Variants in PECR observed in about 807,000 individuals in gnomAD.
PECR encodes peroxisomal trans-2-enoyl-CoA reductase.
PECR carries 30 observed loss-of-function variants against 35.3 expected under a neutral mutation model. The observed-to-expected ratio is 0.85, with a 90% CI of 0.64 to 1.15. The LOEUF (loss-of-function observed/expected upper bound fraction) is 1.15, where lower values mean the gene tolerates loss of function less well. Among genes scored for constraint, PECR ranks in the 50% most tolerant of loss-of-function variants. PECR has a pLI of 0.00. For synonymous variants in PECR, 148 were observed against 138.9 expected (o/e 1.07, Z -0.46); for missense variants, 392 against 370.8 (o/e 1.06, Z -0.47).
chr2:216,067,716 C>T (rs539134022), intron 1 of PECR, among the ~76,000 whole-genome samples: 1 of 152,070 alleles, frequency 6.6e-6, no homozygotes, highest in African/African-American at 2.4e-5. Context: ...ACCACCAGGC[C>T]TGGCTAATTT....
chr2:216,051,451 G>C lies in PECR; in HGVS notation c.601C>G (p.Pro201Ala), dbSNP rs764979924. The C allele has an allele frequency of 6.3e-7, 1 of 1,583,196 alleles. No homozygotes were observed. The highest frequency in any genetic ancestry group is 8.7e-7 in the Non-Finnish European group (1 of 1,151,854). ...CSGIRINCVA[P>A]GVIYSQTAVE... Reference sequence around the variant, plus strand: ...TTCAATATAGATCGTTTACCTACAGGGGCAACACAATTGATCCGTATTCCA... The same window carrying C: ...TTCAATATAGATCGTTTACCTACAGCGGCAACACAATTGATCCGTATTCCA... The change falls in exon 5 of 8, where the codon CCT becomes GCT. Residue 201 changes from proline to alanine, a missense_variant and splice_region_variant. Physicochemically the swap from Pro to Ala is conservative, Grantham distance 27. Transcript: ENST00000265322.
chr2:216,047,186 A>AGGT (rs1048810918), intron 6 of PECR, among the ~76,000 whole-genome samples: 4 of 151,040 alleles, frequency 2.6e-5, no homozygotes. Context: ...TAAACCCAGG[A>AGGT]GGTAGAGGTT....
rs191369272 is a variant in PECR at position 216,039,432 on chromosome 2, T to C, written c.827-72A>G. 279 of 854,130 alleles carry C rather than the reference T, an allele frequency of 3.3e-4. No individual in the cohort carries two copies. In the African/African-American group the frequency reaches 4.3e-3, roughly 13 times the overall value. The allele number at this position is 854,130 out of a possible 1,614,324, so 52.9% of individuals were successfully genotyped here. A position where few individuals can be genotyped will look rare whatever the true frequency, so the allele number is the denominator to read the frequency against. On this transcript the variant is annotated intron_variant, in intron 7 of 7. Transcript: ENST00000265322. ...CCCTCTTCACTCCCACCAAATCCTCTTGTTAATTTCCCTGGTTCACACATT... is the reference window on the plus strand; with the variant it reads ...CCCTCTTCACTCCCACCAAATCCTCCTGTTAATTTCCCTGGTTCACACATT...
chr2:216,039,848 G>A (rs571809509), intron 7 of PECR, among the ~76,000 whole-genome samples: 2 of 152,250 alleles, frequency 1.3e-5, no homozygotes, highest in East Asian at 3.9e-4. Context: ...CAAGGCATGT[G>A]GTCTAAGCTA....
chr2:216,050,632 G>A (rs931635789), intron 5 of PECR, among the ~76,000 whole-genome samples: 4 of 152,208 alleles, frequency 2.6e-5, no homozygotes, highest in African/African-American at 9.6e-5. Flanking sequence ...GCTGGGCGCA[G>A]TGGCTCACGC....
chr2:216,048,520 G>T (rs1695040153), intron 6 of PECR, among the ~76,000 whole-genome samples: 2 of 151,884 alleles, frequency 1.3e-5, no homozygotes, highest in African/African-American at 4.8e-5. Context: ...GACTAGCCTA[G>T]CCAACATGGT....
At chr2:216,070,461 TCTA>T (rs1695567812) in intron 1 of PECR, among the ~76,000 whole-genome samples, 1 of 152,200 alleles carries the variant, frequency 6.6e-6, no homozygotes, top group Non-Finnish European at 1.5e-5. Flanking sequence ...GTGAAACTGG[TCTA>T]CTTTTATTAT....
chr2:216,081,718 C>G lies in PECR; in HGVS notation c.24G>C (p.Arg8Ser). Residue 8 changes from arginine to serine, a missense_variant, in exon 1 of 8, where the codon AGG (arginine) becomes AGC (serine). Arg to Ser is a moderately radical substitution (Grantham distance 110, BLOSUM62 -1). Transcript: ENST00000265322. MASWAKG[R>S]SYLAPGLLQG... ...GCAGCAAACCAGGCGCCAGGTAGCT[C>G]CTGCCCTTAGCCCAGGAGGCCATCC... The G allele has an allele frequency of 6.2e-7, 1 of 1,613,494 alleles. No individual in the cohort carries two copies. The highest frequency in any genetic ancestry group is 8.5e-7 in the Non-Finnish European group (1 of 1,179,938).
rs548907911 is a variant in PECR, at chr2:216,046,815, C to A, written c.714+2448G>T. Among the ~76,000 whole-genome samples the A allele has an allele frequency of 2.0e-5, 3 of 152,186 alleles. No homozygotes were observed. In the East Asian group the frequency reaches 5.8e-4, roughly 29 times the overall value. ...CTGTTTCTAGAAACATATCCCCTCA[C>A]CCAAGAGTACATGATTATATTCATA... On this transcript the variant is annotated intron_variant, in intron 6 of 7. Transcript: ENST00000265322.
intron 6 of PECR, 24 bp from the exon 7 acceptor site, chr2:216,044,039 C>G: frequency 7.7e-7 from 1 of 1,298,910 alleles, no homozygotes; most frequent in Admixed American, 1.7e-5. Flanking sequence ...CACACATGTG[C>G]ATAGGTAAAA....
chr2:216,056,207 G>A (rs989262514), intron 4 of PECR, among the ~76,000 whole-genome samples: 4 of 151,952 alleles, frequency 2.6e-5, no homozygotes, highest in African/African-American at 9.7e-5. Flanking sequence ...GTAAACAAGC[G>A]ACAGCCAACA....
intron 7 of PECR, among the ~76,000 whole-genome samples, chr2:216,030,566 C>T (rs916568473): frequency 9.3e-5 from 14 of 151,328 alleles, no homozygotes; most frequent in Admixed American, 1.3e-4. Flanking sequence ...TTTTTTGAGA[C>T]GGGGTCTCGC....
chr2:216,033,803 C>T (rs1574668990), downstream of PECR: 2 of 152,490 alleles, frequency 1.3e-5, no homozygotes, highest in Admixed American at 1.3e-4. Context: ...TCTCACTAGA[C>T]TGAGCCACGG....
chr2:216,066,586 G>T, intron 1 of PECR, 68 bp from the exon 2 acceptor site: 1 of 1,452,238 alleles, frequency 6.9e-7, no homozygotes, highest in South Asian at 1.1e-5. Context: ...ATTACACCTT[G>T]AAAAGTAAAC....
In PECR at chr2:216,063,081, T is replaced by C. The variant is rs1306998390; in HGVS notation, c.424+2231A>G. Among the ~76,000 whole-genome samples the C allele has an allele frequency of 3.9e-5, 6 of 152,222 alleles. 1 individual carries two copies. Among genetic ancestry groups the C allele is most frequent in the Admixed American group, 3.9e-4 (6 of 15,280 alleles). On this transcript the variant is annotated intron_variant, in intron 3 of 7. Transcript: ENST00000265322. ...TCAGAATCATTTCTATTCATATATA[T>C]GCACACATAAATACATACTTTTTTT...
intron 1 of PECR, among the ~76,000 whole-genome samples, chr2:216,077,281 C>A (rs986827197): frequency 6.6e-6 from 1 of 151,732 alleles, no homozygotes; most frequent in Non-Finnish European, 1.5e-5. Flanking sequence ...CCAAGGCAGG[C>A]GGAGCACAAG....
intron 1 of PECR, among the ~76,000 whole-genome samples, chr2:216,076,903 T>C (rs1344105833): frequency 1.5e-5 from 2 of 137,742 alleles, no homozygotes; most frequent in East Asian, 2.1e-4. Flanking sequence ...CCAATTTTAC[T>C]TTTTTTTTTT....
Position 216,045,227 on chromosome 2 carries a change from G to C in PECR, c.715-1212C>G, listed in dbSNP as rs531706774. On this transcript the variant is annotated intron_variant, in intron 6 of 7. Coordinates refer to ENST00000265322, the MANE Select transcript of PECR (RefSeq NM_018441.6). ...TGAGACTCTAAGAGCTTGGAGAGCA[G>C]CCAAGCCTTCTCTCCATCCTTGTAT... 1.0e-3 allele frequency among the ~76,000 whole-genome samples: 155 copies of C among 152,296 alleles called. 1 individual carries two copies. The highest frequency in any genetic ancestry group is 3.5e-3 in the African/African-American group (145 of 41,554).
chr2:216,030,996 T>C (rs916575037), intron 7 of PECR, among the ~76,000 whole-genome samples: 1 of 143,112 alleles, frequency 7.0e-6, no homozygotes, highest in Middle Eastern at 3.6e-3. Context: ...ACACACACAC[T>C]CTGTCCCTGC....
Sources: allele counts gnomAD v4.1 joint callset (sites outside exome capture counted in the v4.1 genomes callset), GRCh38; gene constraint gnomAD v4.1.1; transcripts MANE v1.5; gene names NCBI Gene and HGNC (gene_info 2026-07-23, HGNC 2026-07-21).